CSMD3: variants seen among roughly 807,000 people sequenced by gnomAD.
The protein encoded by CSMD3 is CUB and Sushi multiple domains 3, also known as CUB and sushi domain-containing protein 3.
CSMD3 carries 177 observed loss-of-function variants against 435.2 expected under a neutral mutation model. That is an observed-to-expected ratio of 0.41 (90% CI 0.36 to 0.46). The LOEUF (loss-of-function observed/expected upper bound fraction) is 0.46, where lower values mean the gene tolerates loss of function less well. CSMD3 is among the 20% of genes least tolerant of loss of function. The probability of loss-of-function intolerance (pLI) is 0.34; values close to 1 mark genes in which losing one functional copy is unlikely to be tolerated. For synonymous variants in CSMD3, 1,656 were observed against 1,520.5 expected (o/e 1.09, Z -2.07); for missense variants, 4,265 against 4,504.6 (o/e 0.95, Z 1.52).
At chr8:113,091,090 GCTAGGA>G (rs2089986908) in intron 5 of CSMD3, among the ~76,000 whole-genome samples, 1 of 151,804 alleles carries the variant, frequency 6.6e-6, no homozygotes, top group African/African-American at 2.4e-5. Context: ...TTTCCTCTTG[GCTAGGA>G]CTAAGTAATA....
chr8:113,220,974 T>G (rs2132128450), intron 3 of CSMD3, among the ~76,000 whole-genome samples: 1 of 151,496 alleles, frequency 6.6e-6, no homozygotes, highest in South Asian at 2.1e-4. Context: ...AAAAGTTATA[T>G]TCTTTTAAAA....
rs189351989 is a variant in CSMD3, at chr8:112,808,447, C to T, written c.1860-8173G>A. Reference sequence around the variant, plus strand: ...TCCTTCACTTGCAGCCCCTTACCCACCCCCACTTTTCTTCAAGGACTTAAC... The same window carrying T: ...TCCTTCACTTGCAGCCCCTTACCCATCCCCACTTTTCTTCAAGGACTTAAC... On this transcript the variant is annotated intron_variant, in intron 12 of 70. Transcript: ENST00000297405. 4.3e-3 allele frequency among the ~76,000 whole-genome samples: 651 copies of T among 152,172 alleles called. 2 individuals carry two copies. Among genetic ancestry groups the T allele is most frequent in the African/African-American group, 0.014 (567 of 41,502 alleles).
chr8:112,996,394 GCATC>G (rs1483825597), intron 6 of CSMD3, among the ~76,000 whole-genome samples: 12 of 151,528 alleles, frequency 7.9e-5, no homozygotes, highest in African/African-American at 2.9e-4. Flanking sequence ...AATAAATTTA[GCATC>G]TAATTTAATG....
chr8:113,302,620 A>T (rs2093782084), intron 2 of CSMD3, among the ~76,000 whole-genome samples: 1 of 151,994 alleles, frequency 6.6e-6, no homozygotes, highest in South Asian at 2.1e-4. Flanking sequence ...AAGATTATCA[A>T]ATGGTCACTT....
chr8:112,855,110 G>A (rs1337654851), intron 11 of CSMD3, among the ~76,000 whole-genome samples: 1 of 151,976 alleles, frequency 6.6e-6, no homozygotes, highest in Non-Finnish European at 1.5e-5. Context: ...TAATATCTGT[G>A]GTTAAATAAA....
At chr8:112,526,122 T>C (rs1193018531) in intron 27 of CSMD3, among the ~76,000 whole-genome samples, 1 of 151,602 alleles carries the variant, frequency 6.6e-6, no homozygotes, top group African/African-American at 2.4e-5. Flanking sequence ...CAATAATTGC[T>C]ATTTACTTAA....
chr8:112,921,594 A>G (rs2130629338), intron 10 of CSMD3, 33 bp downstream of exon 10: 1 of 1,570,386 alleles, frequency 6.4e-7, no homozygotes, highest in Non-Finnish European at 8.8e-7. Context: ...AACTATTAAA[A>G]TGTGTTCAGA....
chr8:112,483,090 C>A (rs1294074307), intron 31 of CSMD3, among the ~76,000 whole-genome samples: 1 of 152,100 alleles, frequency 6.6e-6, no homozygotes, highest in Admixed American at 6.6e-5. Flanking sequence ...TTATTAATAT[C>A]TTGCTATTGA....
intron 1 of CSMD3, among the ~76,000 whole-genome samples, chr8:113,400,734 G>C (rs1407512226): frequency 2.6e-5 from 4 of 151,852 alleles, no homozygotes; most frequent in Non-Finnish European, 5.9e-5. Flanking sequence ...AGGAAATGTT[G>C]AGTTTTAGAG....
intron 10 of CSMD3, among the ~76,000 whole-genome samples, chr8:112,911,463 C>G (rs575133671): frequency 6.6e-6 from 1 of 151,752 alleles, no homozygotes; most frequent in East Asian, 1.9e-4. Flanking sequence ...TTATAGTCAT[C>G]AGGCTCAACT....
At chr8:113,103,469 A>T (rs2090387394) in intron 4 of CSMD3, among the ~76,000 whole-genome samples, 1 of 152,124 alleles carries the variant, frequency 6.6e-6, no homozygotes, top group African/African-American at 2.4e-5. Context: ...GAAGAAAACC[A>T]CAAATTCAGC....
intron 27 of CSMD3, among the ~76,000 whole-genome samples, chr8:112,525,491 C>T (rs560914017): frequency 1.5e-4 from 23 of 149,862 alleles, no homozygotes; most frequent in African/African-American, 4.8e-4. Flanking sequence ...TGGACCGAGG[C>T]GGGCGGATCA....
intron 13 of CSMD3, among the ~76,000 whole-genome samples, chr8:112,739,851 TAA>T (rs1056287207): frequency 6.6e-6 from 1 of 151,876 alleles, no homozygotes; most frequent in African/African-American, 2.4e-5. Context: ...AATTTTAAAA[TAA>T]GTTTTGTATT....
At chr8:112,896,507 T>G (rs977495303) in intron 10 of CSMD3, among the ~76,000 whole-genome samples, 1 of 151,440 alleles carries the variant, frequency 6.6e-6, no homozygotes. Flanking sequence ...AGAAGTAATT[T>G]ATGATACCAA....
intron 9 of CSMD3, among the ~76,000 whole-genome samples, chr8:112,923,833 C>T (rs1383439694): frequency 6.6e-6 from 1 of 152,102 alleles, no homozygotes; most frequent in Non-Finnish European, 1.5e-5. Flanking sequence ...TGGTTGCTAT[C>T]ATATAAGACT....
At chr8:113,336,860 T>C (rs982291928) in intron 1 of CSMD3, among the ~76,000 whole-genome samples, 1 of 152,120 alleles carries the variant, frequency 6.6e-6, no homozygotes, top group Non-Finnish European at 1.5e-5. Flanking sequence ...ATGAGTATTC[T>C]AGCTCTTTCA....
intron 3 of CSMD3, among the ~76,000 whole-genome samples, chr8:113,233,788 T>C (rs955392995): frequency 6.6e-5 from 10 of 151,982 alleles, no homozygotes; most frequent in Non-Finnish European, 1.5e-4. Flanking sequence ...TATAAGGCAA[T>C]AAGCATAATT....
chr8:112,787,975 T>C (rs1241881645), intron 13 of CSMD3, among the ~76,000 whole-genome samples: 1 of 152,108 alleles, frequency 6.6e-6, no homozygotes, highest in Non-Finnish European at 1.5e-5. Context: ...CACAAAGAAA[T>C]GACAAATGTT....
intron 5 of CSMD3, among the ~76,000 whole-genome samples, chr8:113,033,605 G>C (rs1407859728): frequency 8.6e-6 from 1 of 116,422 alleles, no homozygotes; most frequent in East Asian, 2.3e-4. Flanking sequence ...TTTTGCTTTT[G>C]CTTTTGATTT....
Sources: allele counts gnomAD v4.1 joint callset (sites outside exome capture counted in the v4.1 genomes callset), GRCh38; gene constraint gnomAD v4.1.1; transcripts MANE v1.5; gene names NCBI Gene and HGNC (gene_info 2026-07-23, HGNC 2026-07-21).